MACF1: variants seen among roughly 807,000 people sequenced by gnomAD.
MACF1 encodes microtubule-actin cross-linking factor 1.
In MACF1, 193 loss-of-function variants were observed where a neutral mutation model predicts 854.8. The ratio of observed to expected loss-of-function variants is 0.23; its 90% CI spans 0.20 to 0.25. MACF1 has a LOEUF of 0.25. Among genes scored for constraint, MACF1 ranks in the 10% least tolerant of loss-of-function variants. MACF1 has a pLI of 1.00. For missense variants in MACF1, 7,722 were observed against 8,929.1 expected (o/e 0.86, Z 5.45); for synonymous variants, 3,185 against 3,226.7 (o/e 0.99, Z 0.44).
At chr1:39,393,493 G>A (rs1242466140) in intron 58 of MACF1, among the ~76,000 whole-genome samples, 1 of 151,788 alleles carries the variant, frequency 6.6e-6, no homozygotes, top group Admixed American at 6.6e-5. Context: ...TTCAGACTTG[G>A]CATTCTACCT....
Position 39,434,580 on chromosome 1 carries a change from C to A in MACF1, c.17732C>A (p.Pro5911His). 1 of 1,614,036 alleles carries A rather than the reference C, an allele frequency of 6.2e-7. No individual in the cohort carries two copies. Among genetic ancestry groups the A allele is most frequent in the Non-Finnish European group, 8.5e-7 (1 of 1,180,002 alleles). Residue 5911 changes from proline to histidine, a missense_variant, in exon 69 of 101, where the codon CCC becomes CAC. Coordinates refer to ENST00000564288, the MANE Select transcript of MACF1 (RefSeq NM_001394062.1). ...EETRALIAQL[P>H]SPAIDHEQLR... Reference sequence around the variant, plus strand: ...ACTCGGGCACTAATAGCACAGTTACCCTCTCCAGCCATTGATCATGAGCAG... The same window carrying A: ...ACTCGGGCACTAATAGCACAGTTACACTCTCCAGCCATTGATCATGAGCAG...
In MACF1 at chr1:39,204,817, G is replaced by A. The variant is rs2148266842; in HGVS notation, c.-206G>A. ...GGCTTTGTCTGAGATACACTGTACA[G>A]TTTTAGTCCCAGTCTACTAGCGCCT... is the stretch of plus-strand genomic sequence containing the variant. On this transcript the variant is annotated 5_prime_UTR_variant, in exon 1 of 101. Coordinates refer to ENST00000564288, the MANE Select transcript of MACF1 (RefSeq NM_001394062.1). The A allele has an allele frequency of 1.8e-6, 1 of 570,988 alleles. No homozygotes were observed. Among genetic ancestry groups the A allele is most frequent in the South Asian group, 2.0e-5 (1 of 49,344 alleles). 35.4% of individuals were successfully genotyped at this position (570,988 alleles called of 1,614,324 possible). A position where few individuals can be genotyped will look rare whatever the true frequency, so the allele number is the denominator to read the frequency against.
intron 58 of MACF1, among the ~76,000 whole-genome samples, chr1:39,390,378 C>T (rs1391652677): frequency 1.3e-5 from 2 of 152,136 alleles, no homozygotes; most frequent in African/African-American, 4.8e-5. Context: ...TAGACAGGAT[C>T]CAAGTGCAAA....
chr1:39,456,887 G>T (rs915700051), intron 89 of MACF1: 8 of 152,246 alleles, frequency 5.3e-5, no homozygotes, highest in African/African-American at 1.9e-4. Flanking sequence ...TGTTTGACAT[G>T]TAACCTAGCT....
At chr1:39,403,429 C>T (rs1188208170) in intron 58 of MACF1, among the ~76,000 whole-genome samples, 1 of 152,124 alleles carries the variant, frequency 6.6e-6, no homozygotes, top group Non-Finnish European at 1.5e-5. Context: ...AGCATTGAAT[C>T]TTTTGTGTGA....
chr1:39,432,510 T>C, intron 66 of MACF1, 25 bp from the exon 67 acceptor site: 1 of 1,612,460 alleles, frequency 6.2e-7, no homozygotes. Flanking sequence ...ATAATTTGTT[T>C]ATTTTTCTTT....
intron 40 of MACF1, among the ~76,000 whole-genome samples, chr1:39,344,936 A>G (rs1043456148): frequency 6.6e-6 from 1 of 152,062 alleles, no homozygotes; most frequent in Non-Finnish European, 1.5e-5. Context: ...CCTGACCGTC[A>G]CCTGATGGTC....
At chr1:39,461,791 CAAAAAAAAAAAAAAA>C (rs59393084) in intron 92 of MACF1, 77 bp from the exon 93 acceptor site, 19 of 350,910 alleles carry the variant, frequency 5.4e-5, no homozygotes, top group South Asian at 2.9e-4. Context: ...GACCTTGTCT[CAAAAAAAAAAAAAAA>C]AAAAAAAAAA....
chr1:39,201,955 CTTTTTTTTTTTTT>C (rs748333630), upstream of MACF1, among the ~76,000 whole-genome samples: 8 of 52,360 alleles, frequency 1.5e-4, no homozygotes, highest in Admixed American at 7.2e-4. Context: ...TGCTCATATT[CTTTTTTTTTTTTT>C]TTTTTTTTTT....
At chr1:39,394,359 C>T (rs1164839187) in intron 58 of MACF1, among the ~76,000 whole-genome samples, 5 of 152,144 alleles carry the variant, frequency 3.3e-5, no homozygotes, top group South Asian at 2.1e-4. Context: ...CGGTGGCTCA[C>T]GCCTGTAATC....
chr1:39,275,966 C>T (rs557805490), intron 6 of MACF1, among the ~76,000 whole-genome samples: 103 of 150,896 alleles, frequency 6.8e-4, no homozygotes, highest in African/African-American at 2.3e-3. Flanking sequence ...TGACACCTGG[C>T]TGGAGAGCAG....
At chr1:39,241,157 C>G (rs1223334148) in intron 2 of MACF1, among the ~76,000 whole-genome samples, 1 of 151,360 alleles carries the variant, frequency 6.6e-6, no homozygotes, top group Non-Finnish European at 1.5e-5. Context: ...ATTCAGAAAT[C>G]TATCTGAAAT....
In MACF1 at chr1:39,459,256, C is replaced by T. The variant is rs1299794667; in HGVS notation, c.21360+7C>T. ...CTTGGATCGGCTGGAGGAGGTAATG[C>T]CCTGCTGAGTGGCCTTCCCTGAAAC... On this transcript the variant is annotated splice_region_variant and intron_variant, in intron 91 of 100. Transcript: ENST00000564288. 1 of 1,606,416 alleles carries T rather than the reference C, an allele frequency of 6.2e-7. No homozygotes were observed.
chr1:39,177,315 T>C (rs541790967), intron 2 of MACF1, among the ~76,000 whole-genome samples: 13 of 152,124 alleles, frequency 8.5e-5, no homozygotes, highest in African/African-American at 2.2e-4. Flanking sequence ...AGAGACGGAG[T>C]TTCTCCGTGT....
chr1:39,350,753 A>T, intron 42 of MACF1, 32 bp from the exon 43 acceptor site: 2 of 1,537,676 alleles, frequency 1.3e-6, no homozygotes. Flanking sequence ...CTAAAGTCGA[A>T]GGCTCTGCCA....
At chr1:39,119,463 G>C (rs1407083273) in intron 2 of MACF1, among the ~76,000 whole-genome samples, 1 of 151,642 alleles carries the variant, frequency 6.6e-6, no homozygotes, top group Non-Finnish European at 1.5e-5. Context: ...GTATTTGTTT[G>C]AACTTCCCAG....
At chr1:39,350,645 A>T in intron 42 of MACF1, 140 bp from the exon 43 acceptor site, 1 of 567,338 alleles carries the variant, frequency 1.8e-6, no homozygotes, top group Non-Finnish European at 3.1e-6. Context: ...GCATTGATTT[A>T]AGCCTAAACC....
chr1:39,111,816 T>G (rs1642414483), intron 2 of MACF1, among the ~76,000 whole-genome samples: 1 of 152,190 alleles, frequency 6.6e-6, no homozygotes, highest in African/African-American at 2.4e-5. Flanking sequence ...AAAGTACAGT[T>G]TGTTACTTCT....
chr1:39,258,145 G>C, intron 6 of MACF1, 117 bp downstream of exon 6: 2 of 834,312 alleles, frequency 2.4e-6, no homozygotes, highest in Non-Finnish European at 4.0e-6. Context: ...AGTGAACAAA[G>C]GTGGATGGGA....
Sources: allele counts gnomAD v4.1 joint callset (sites outside exome capture counted in the v4.1 genomes callset), GRCh38; gene constraint gnomAD v4.1.1; transcripts MANE v1.5; gene names NCBI Gene and HGNC (gene_info 2026-07-23, HGNC 2026-07-21).